PRRC2C: variants seen among roughly 807,000 people sequenced by gnomAD.
The protein encoded by PRRC2C is proline rich coiled-coil 2C.
PRRC2C carries 72 observed loss-of-function variants against 317.2 expected under a neutral mutation model. The observed-to-expected ratio is 0.23, with a 90% CI of 0.19 to 0.28. PRRC2C has a LOEUF of 0.28. Ranked by LOEUF, PRRC2C falls within the 10% of genes least tolerant of loss-of-function variation. PRRC2C has a pLI of 1.00. For synonymous variants in PRRC2C, 1,296 were observed against 1,205.9 expected, an observed-to-expected ratio of 1.07 and a Z score of -1.55; for missense variants, 3,074 against 3,459.7, an observed-to-expected ratio of 0.89 and a Z score of 2.80.
intron 11 of PRRC2C, among the ~76,000 whole-genome samples, chr1:171,532,032 A>G (rs1675980452): frequency 6.6e-6 from 1 of 152,122 alleles, no homozygotes; most frequent in African/African-American, 2.4e-5. Context: ...CTTTGTCTCT[A>G]AATTTAGATT....
chr1:171,488,015 T>C (rs1666443627), intron 1 of PRRC2C, among the ~76,000 whole-genome samples: 1 of 84,302 alleles, frequency 1.2e-5, no homozygotes, highest in African/African-American at 4.3e-5. Context: ...TTCTGGCTCA[T>C]TCCAGCCCCC....
At chr1:171,562,674 C>T (rs1489328026) in intron 20 of PRRC2C, among the ~76,000 whole-genome samples, 1 of 152,140 alleles carries the variant, frequency 6.6e-6, no homozygotes, top group Admixed American at 6.5e-5. Context: ...CTAGAATTTT[C>T]AGTAACTGAG....
chr1:171,589,330 T>TTTTA, intron 33 of PRRC2C, 39 bp from the exon 34 acceptor site: 4 of 691,964 alleles, frequency 5.8e-6, no homozygotes, highest in East Asian at 7.2e-5. Flanking sequence ...TTTTTTTTTT[T>TTTTA]AACAGTTCAA....
At chr1:171,561,162 G>C in intron 20 of PRRC2C, 59 bp downstream of exon 20, 1 of 1,460,014 alleles carries the variant, frequency 6.8e-7, no homozygotes, top group South Asian at 1.1e-5. Context: ...CTTCAGTGTG[G>C]CCGGGTGTGG....
intron 1 of PRRC2C, among the ~76,000 whole-genome samples, chr1:171,508,472 A>G (rs926944521): frequency 3.3e-5 from 5 of 152,210 alleles, no homozygotes; most frequent in African/African-American, 1.2e-4. Flanking sequence ...CCAATCTTGC[A>G]TTCTAGGGAT....
At chr1:171,520,078 T>C (rs1384541857) in intron 6 of PRRC2C, among the ~76,000 whole-genome samples, 1 of 152,172 alleles carries the variant, frequency 6.6e-6, no homozygotes, top group African/African-American at 2.4e-5. Context: ...TTCTCCCGCC[T>C]CAACCTTCCA....
In PRRC2C at chr1:171,542,202, G is replaced by A. The variant is rs1312093813; in HGVS notation, c.4736G>A (p.Gly1579Asp). 14 of 1,570,174 alleles carry A rather than the reference G, an allele frequency of 8.9e-6. No homozygotes were observed. Among genetic ancestry groups the A allele is most frequent in the Non-Finnish European group, 1.0e-5 (12 of 1,161,936 alleles). Residue 1579 changes from glycine (G) to aspartate (D), a missense_variant, in exon 16 of 35, where the codon GGC (glycine) becomes GAC (aspartate). Physicochemically the swap from Gly to Asp is moderately conservative, Grantham distance 94. Around this residue, in one of 11 missense-constraint regions of PRRC2C, gnomAD observed 178 missense variants for 163.0 expected, o/e 1.09. Transcript: ENST00000647382. The part of the protein sequence containing the change: ...FSGPRNERRS[G>D]PPSKSGKRGP... ...GGTCCTAGAAATGAAAGGAGAAGTG[G>A]CCCACCATCAAAAAGTGGGAAGAGA...
rs1165975296 is a variant in PRRC2C at position 171,545,504 on chromosome 1, A to G, written c.4789A>G (p.Thr1597Ala). 2 of 1,576,524 alleles carry G rather than the reference A, an allele frequency of 1.3e-6. No homozygotes were observed. Among genetic ancestry groups the G allele is most frequent in the Admixed American group, 3.7e-5 (2 of 53,894 alleles). ...RGPFDDQPAGTTGVDLINGSS... is the reference protein window; with the variant it reads ...RGPFDDQPAGATGVDLINGSS... ...GCCATTTGATGACCAGCCTGCAGGC[A>G]CAACTGGGGTTGACCTCATCAATGG... The change falls in exon 17 of 35, where the codon ACA becomes GCA. Residue 1597 changes from threonine to alanine, a missense_variant. This residue lies in a region of PRRC2C where 178 missense variants were observed against 163.0 expected (regional missense o/e 1.09). Transcript: ENST00000647382.
chr1:171,504,819 A>G (rs555471140), intron 1 of PRRC2C, among the ~76,000 whole-genome samples: 2 of 152,234 alleles, frequency 1.3e-5, no homozygotes, highest in South Asian at 2.1e-4. Context: ...TTGTCCTCCA[A>G]TAAATTTCTT....
chr1:171,550,776 G>A (rs1267066384), intron 18 of PRRC2C, among the ~76,000 whole-genome samples: 1 of 152,064 alleles, frequency 6.6e-6, no homozygotes, highest in Non-Finnish European at 1.5e-5. Flanking sequence ...CTTCATCCAT[G>A]TCCCTGCAAA....
chr1:171,592,121 A>G lies in PRRC2C; in HGVS notation c.*274A>G, dbSNP rs75587194. On this transcript the variant is annotated 3_prime_UTR_variant, in exon 35 of 35. Transcript: ENST00000647382. ...AATTTATATATAAATGTATGCACCC[A>G]TTTTTTTGAGTGCATATAATTTAGA... is the stretch of plus-strand genomic sequence containing the variant. 2 of 320,044 alleles carry G rather than the reference A, an allele frequency of 6.2e-6. No homozygotes were observed. The highest frequency in any genetic ancestry group is 4.5e-5 in the Admixed American group (1 of 22,140). 19.8% of individuals were successfully genotyped at this position (320,044 alleles called of 1,614,324 possible).
chr1:171,584,992 A>G (rs182363356), intron 30 of PRRC2C, among the ~76,000 whole-genome samples: 105 of 152,094 alleles, frequency 6.9e-4, no homozygotes, highest in African/African-American at 2.5e-3. Context: ...CCCCAGGCTG[A>G]TCTTGAACTA....
intron 7 of PRRC2C, 88 bp from the exon 8 acceptor site, chr1:171,523,133 T>C (rs922131397): frequency 4.6e-5 from 58 of 1,265,308 alleles, no homozygotes; most frequent in Non-Finnish European, 4.9e-5. Context: ...ACACTAATGT[T>C]GAAATGAACT....
rs1040577556 is a variant in PRRC2C, at chr1:171,517,877, G to T, written c.750+63G>T. 3 of 1,415,326 alleles carry T rather than the reference G, an allele frequency of 2.1e-6. No individual in the cohort carries two copies. In the Admixed American group the frequency reaches 6.2e-5, roughly 29 times the overall value. The allele number at this position is 1,415,326 out of a possible 1,614,324, so 87.7% of individuals were successfully genotyped here. A position where few individuals can be genotyped will look rare whatever the true frequency, so the allele number is the denominator to read the frequency against. ...GTTTTTGATCTGGGGTCCAAGGAGCGAATTGTTATAGGGAAAAGTTTAGGT... is the reference window on the plus strand; with the variant it reads ...GTTTTTGATCTGGGGTCCAAGGAGCTAATTGTTATAGGGAAAAGTTTAGGT... On this transcript the variant is annotated intron_variant, in intron 6 of 34. Transcript: ENST00000647382.
At chr1:171,502,561 T>G (rs1036256895) in intron 1 of PRRC2C, among the ~76,000 whole-genome samples, 1 of 152,222 alleles carries the variant, frequency 6.6e-6, no homozygotes. Context: ...TGTTTATTGT[T>G]TTGTTAAAAG....
chr1:171,551,244 C>A (rs1245289250), intron 18 of PRRC2C, among the ~76,000 whole-genome samples: 1 of 152,214 alleles, frequency 6.6e-6, no homozygotes, highest in African/African-American at 2.4e-5. Flanking sequence ...CATGTGTCTG[C>A]TGGCTGCGTA....
chr1:171,574,667 T>C (rs1017766670), intron 24 of PRRC2C, among the ~76,000 whole-genome samples: 4 of 152,184 alleles, frequency 2.6e-5, no homozygotes, highest in East Asian at 1.9e-4. Context: ...CCTTTCCTTA[T>C]TCACTGGTAG....
At position 171,527,860 on chromosome 1, in the gene PRRC2C, T is replaced by A. The variant is rs376066766; in HGVS notation, c.1254+16T>A. On this transcript the variant is annotated intron_variant, in intron 11 of 34. Transcript: ENST00000647382. ...TGCACAGCAGGTAAATTTTAAGTGC[T>A]TGTTTATGGATTATATATTTTATTT... 6.2e-5 allele frequency: 96 copies of A among 1,558,580 alleles called. No individual in the cohort carries two copies. The highest frequency in any genetic ancestry group is 8.0e-5 in the Non-Finnish European group (92 of 1,146,768).
At chr1:171,574,127 G>T (rs1162630303) in intron 24 of PRRC2C, among the ~76,000 whole-genome samples, 1 of 151,546 alleles carries the variant, frequency 6.6e-6, no homozygotes, top group Non-Finnish European at 1.5e-5. Context: ...GATTATGTTG[G>T]ATGTATACTG....
Sources: gnomAD v4.1 joint callset for allele counts (sites outside exome capture counted in the v4.1 genomes callset) on GRCh38, gnomAD v4.1.1 for gene constraint, gnomAD v4.1.1 regional missense constraint, MANE v1.5 for transcripts, NCBI Gene and HGNC (gene_info 2026-07-23, HGNC 2026-07-21) for gene names.